RABGAP1L: variants seen among roughly 807,000 people sequenced by gnomAD.
The protein encoded by RABGAP1L is rab GTPase-activating protein 1-like.
RABGAP1L carries 63 observed loss-of-function variants against 137.7 expected under a neutral mutation model. The observed-to-expected ratio is 0.46, with a 90% CI of 0.37 to 0.56. The LOEUF (loss-of-function observed/expected upper bound fraction) is 0.56, where lower values mean the gene tolerates loss of function less well. RABGAP1L is among the 20% of genes least tolerant of loss of function. The pLI, the probability that RABGAP1L is intolerant of heterozygous loss-of-function variation, is 0.00. For synonymous variants in RABGAP1L, 431 were observed against 433.7 expected (o/e 0.99, Z 0.08); for missense variants, 1,095 against 1,244.0 (o/e 0.88, Z 1.80).
At chr1:174,446,618 T>C (rs1287636423) in intron 13 of RABGAP1L, among the ~76,000 whole-genome samples, 1 of 152,232 alleles carries the variant, frequency 6.6e-6, no homozygotes, top group East Asian at 1.9e-4. Flanking sequence ...CTCTAGGATT[T>C]AAAGTTCATC....
At chr1:174,170,722 TC>T (rs1665302956) in intron 1 of RABGAP1L, among the ~76,000 whole-genome samples, 2 of 151,182 alleles carry the variant, frequency 1.3e-5, no homozygotes, top group African/African-American at 4.9e-5. Context: ...GGCAGTTATC[TC>T]TTGCTTCTAA....
chr1:174,867,853 C>T (rs897426030), intron 19 of RABGAP1L, among the ~76,000 whole-genome samples: 11 of 152,238 alleles, frequency 7.2e-5, no homozygotes, highest in Non-Finnish European at 4.4e-5. Context: ...CCATGTTGTT[C>T]AGGCTGGTCT....
chr1:174,646,926 C>T (rs1231902076), intron 14 of RABGAP1L, among the ~76,000 whole-genome samples: 1 of 152,176 alleles, frequency 6.6e-6, no homozygotes, highest in Non-Finnish European at 1.5e-5. Context: ...AGGGCCTCCA[C>T]ATCCCTTGTA....
intron 19 of RABGAP1L, among the ~76,000 whole-genome samples, chr1:174,929,190 T>C (rs115483194): frequency 0.011 from 1,600 of 152,228 alleles, 28 homozygotes; most frequent in African/African-American, 0.037. Context: ...ACTGTGCACA[T>C]GTACCCTAGA....
At chr1:174,350,141 AC>A (rs1487657148) in intron 11 of RABGAP1L, among the ~76,000 whole-genome samples, 4 of 68,642 alleles carry the variant, frequency 5.8e-5, no homozygotes, top group Admixed American at 3.0e-4. Context: ...GGGGGGGCTG[AC>A]CCCCCACCTC....
At chr1:174,892,307 G>A (rs1280083564) in intron 19 of RABGAP1L, 1 of 328,696 alleles carries the variant, frequency 3.0e-6, no homozygotes, top group African/African-American at 2.2e-5. Flanking sequence ...TTAGCCACTT[G>A]CTATTTCAGC....
At chr1:174,585,799 T>C (rs1483073457) in intron 13 of RABGAP1L, among the ~76,000 whole-genome samples, 1 of 152,222 alleles carries the variant, frequency 6.6e-6, no homozygotes, top group Non-Finnish European at 1.5e-5. Context: ...CAGTGGTTGG[T>C]TGACTGATTG....
At chr1:174,836,455 T>G (rs527890007) in intron 19 of RABGAP1L, among the ~76,000 whole-genome samples, 2 of 152,342 alleles carry the variant, frequency 1.3e-5, no homozygotes, top group East Asian at 3.9e-4. Flanking sequence ...TTGATGACAA[T>G]CTTGATCTCT....
In RABGAP1L at chr1:174,409,174, G is replaced by A. The variant is rs181584208; in HGVS notation, c.1710+15029G>A. On this transcript the variant is annotated intron_variant, in intron 13 of 25. Transcript: ENST00000681986. Reference sequence around the variant, plus strand: ...ACCCCGAACGGAGGGACCAGCTGGAGCTGCGGCAGAAGAACATAAATTGTG... The same window carrying A: ...ACCCCGAACGGAGGGACCAGCTGGAACTGCGGCAGAAGAACATAAATTGTG... Among the ~76,000 whole-genome samples the A allele has an allele frequency of 4.0e-3, 615 of 152,288 alleles. 1 individual carries two copies. The highest frequency in any genetic ancestry group is 7.7e-3 in the Admixed American group (117 of 15,276).
At chr1:174,441,682 C>G (rs1212534354) in intron 13 of RABGAP1L, among the ~76,000 whole-genome samples, 2 of 152,010 alleles carry the variant, frequency 1.3e-5, no homozygotes, top group South Asian at 2.1e-4. Context: ...TGCAGTGAGC[C>G]GAGATCATGC....
intron 13 of RABGAP1L, 140 bp downstream of exon 13, chr1:174,394,285 T>G: frequency 1.1e-6 from 1 of 950,148 alleles, no homozygotes; most frequent in East Asian, 2.7e-5. Flanking sequence ...CTTCTACCTT[T>G]TGTTCTGAAC....
chr1:174,769,858 A>C (rs944472175), intron 18 of RABGAP1L, among the ~76,000 whole-genome samples: 1 of 152,274 alleles, frequency 6.6e-6, no homozygotes, highest in East Asian at 1.9e-4. Flanking sequence ...GTCTCAAAAA[A>C]AAAAGAAAGA....
chr1:174,883,738 A>G (rs1210497560), intron 19 of RABGAP1L, among the ~76,000 whole-genome samples: 1 of 152,202 alleles, frequency 6.6e-6, no homozygotes, highest in African/African-American at 2.4e-5. Flanking sequence ...CATTAGAGCA[A>G]TGCAAGTAAA....
chr1:174,925,008 G>T (rs536041956), intron 19 of RABGAP1L, among the ~76,000 whole-genome samples: 1 of 152,134 alleles, frequency 6.6e-6, no homozygotes, highest in African/African-American at 2.4e-5. Context: ...GCAAGGACTT[G>T]ACTGAAGCAA....
intron 14 of RABGAP1L, among the ~76,000 whole-genome samples, chr1:174,663,081 T>C (rs1676509505): frequency 6.6e-6 from 1 of 152,218 alleles, no homozygotes; most frequent in Non-Finnish European, 1.5e-5. Context: ...ATAAATTTAT[T>C]GTAGCCTAAG....
chr1:174,576,003 A>G (rs1668346312), intron 13 of RABGAP1L, among the ~76,000 whole-genome samples: 1 of 152,238 alleles, frequency 6.6e-6, no homozygotes, highest in Non-Finnish European at 1.5e-5. Flanking sequence ...TGTATGCAGA[A>G]GTACAGTATA....
chr1:174,199,123 T>A (rs961503003), intron 1 of RABGAP1L, among the ~76,000 whole-genome samples: 1 of 151,952 alleles, frequency 6.6e-6, no homozygotes, highest in Non-Finnish European at 1.5e-5. Context: ...AAAGAAAAAG[T>A]TCTTATTACT....
intron 17 of RABGAP1L, among the ~76,000 whole-genome samples, chr1:174,720,581 A>G (rs1681440183): frequency 6.6e-6 from 1 of 152,086 alleles, no homozygotes; most frequent in Middle Eastern, 3.2e-3. Context: ...CTCCCAGAGT[A>G]CTAGGATTAC....
At chr1:174,921,397 C>T (rs1025015774) in intron 19 of RABGAP1L, among the ~76,000 whole-genome samples, 4 of 152,188 alleles carry the variant, frequency 2.6e-5, no homozygotes, top group African/African-American at 4.8e-5. Context: ...TGGACAGATA[C>T]ATTTGTTTTT....
Sources: gnomAD v4.1 joint callset for allele counts (sites outside exome capture counted in the v4.1 genomes callset) on GRCh38, gnomAD v4.1.1 for gene constraint, MANE v1.5 for transcripts, NCBI Gene and HGNC (gene_info 2026-07-23, HGNC 2026-07-21) for gene names.